Variants in SAFB observed in about 807,000 individuals in gnomAD.
SAFB encodes the protein scaffold attachment factor B1.
A neutral mutation model predicts 101.6 loss-of-function variants in SAFB; 15 were observed. The ratio of observed to expected loss-of-function variants is 0.15; its 90% CI spans 0.10 to 0.23. SAFB has a LOEUF of 0.23. Ranked by LOEUF, SAFB falls within the 10% of genes least tolerant of loss-of-function variation. The pLI, the probability that SAFB is intolerant of heterozygous loss-of-function variation, is 1.00. For missense variants in SAFB, 930 were observed against 1,104.1 expected, an observed-to-expected ratio of 0.84 and a Z score of 2.23; for synonymous variants, 449 against 407.5, an observed-to-expected ratio of 1.10 and a Z score of -1.23.
At chr19:5,636,331 A>G (rs1483539527) in intron 2 of SAFB, among the ~76,000 whole-genome samples, 1 of 152,130 alleles carries the variant, frequency 6.6e-6, no homozygotes, top group African/African-American at 2.4e-5. Context: ...TAGCAACTTT[A>G]TCAAATGTAA....
rs2054085427 is a variant in SAFB, at chr19:5,657,309, C to T, written c.1824C>T (p.Val608=). 1 of 1,613,838 alleles carries T rather than the reference C, an allele frequency of 6.2e-7. No individual in the cohort carries two copies. The highest frequency in any genetic ancestry group is 2.2e-5 in the East Asian group (1 of 44,868). The change falls in exon 14 of 21, where the codon GTC becomes GTT. Residue 608 remains valine (V), a synonymous_variant. Coordinates refer to ENST00000588852, the MANE Select transcript of SAFB (RefSeq NM_001201338.2). ...EKRSVVSFDK[V]KEPRKSRDSE... ...GGTCCGTCGTGTCCTTTGATAAGGT[C>T]AAGGAGCCTCGGAAGTCAAGAGACT...
intron 15 of SAFB, 98 bp downstream of exon 15, chr19:5,661,906 A>C: frequency 2.3e-6 from 2 of 854,438 alleles, no homozygotes; most frequent in Non-Finnish European, 3.5e-6. Context: ...TTTTTTTGAG[A>C]CGGAGTCTTG....
At position 5,661,439 on chromosome 19, in the gene SAFB, C is replaced by T. The variant is rs951471374; in HGVS notation, c.1863-79C>T. ...CGCACAGCCCTGGAGTCTGTGCGAC[C>T]CAGCGTCTTACTTAAAGTCAGCCCT... is the stretch of plus-strand genomic sequence containing the variant. On this transcript the variant is annotated intron_variant, in intron 14 of 20. Transcript: ENST00000588852. 6 of 1,575,082 alleles carry T rather than the reference C, an allele frequency of 3.8e-6. No homozygotes were observed. The African/African-American group carries it at 6.7e-5, about 18-fold the overall frequency.
Position 5,623,404 on chromosome 19 carries a change from G to A in SAFB, c.189+10G>A. On this transcript the variant is annotated intron_variant, in intron 1 of 20. Transcript: ENST00000588852. ...GGAGCGGCTGAAGAAGGTGGATTTG[G>A]GGCCCCGAGGGCGGGCACAGGGTGG... 6.2e-7 allele frequency: 1 copy of A among 1,610,526 alleles called. No homozygotes were observed. Among genetic ancestry groups the A allele is most frequent in the Non-Finnish European group, 8.5e-7 (1 of 1,177,126 alleles).
At position 5,642,729 on chromosome 19, in the gene SAFB, C is replaced by G. The variant is rs1237322804; in HGVS notation, c.546+783C>G. Among the ~76,000 whole-genome samples the G allele has an allele frequency of 3.1e-5, 4 of 129,586 alleles. No individual in the cohort carries two copies. In the South Asian group the frequency reaches 7.8e-4, roughly 25 times the overall value. The allele number at this position is 129,586 out of a possible 152,430, so 85.0% of individuals were successfully genotyped here. A position where few individuals can be genotyped will look rare whatever the true frequency, so the allele number is the denominator to read the frequency against. On this transcript the variant is annotated intron_variant, in intron 4 of 20. Transcript: ENST00000588852. ...CCAGGCTGGAGTGCAGTGGCGCGATCTCAGCTCACTGCAACCTCTGCCCCC... is the reference window on the plus strand; with the variant it reads ...CCAGGCTGGAGTGCAGTGGCGCGATGTCAGCTCACTGCAACCTCTGCCCCC...
chr19:5,652,699 G>C (rs1380672271), intron 9 of SAFB, among the ~76,000 whole-genome samples: 1 of 152,160 alleles, frequency 6.6e-6, no homozygotes, highest in East Asian at 1.9e-4. Context: ...ACGGCTCACA[G>C]ACCTTTCCTT....
chr19:5,657,706 G>A (rs2054095321), intron 14 of SAFB, among the ~76,000 whole-genome samples: 2 of 151,880 alleles, frequency 1.3e-5, no homozygotes. Flanking sequence ...TGTATTTTTA[G>A]TAGAGACGGG....
chr19:5,636,653 AG>A (rs1441110986), intron 2 of SAFB, among the ~76,000 whole-genome samples: 1 of 152,088 alleles, frequency 6.6e-6, no homozygotes, highest in African/African-American at 2.4e-5. Context: ...TTCTCCCCCC[AG>A]GATGTTACAT....
chr19:5,659,261 C>T lies in SAFB; in HGVS notation c.1862+1914C>T, dbSNP rs2054138925. On this transcript the variant is annotated intron_variant, in intron 14 of 20. Transcript: ENST00000588852. ...TGGAGGTTGCAGTGAGCCAAGATTCCACCATTGCACTCCAGCCTGGGCAAC... is the reference window on the plus strand; with the variant it reads ...TGGAGGTTGCAGTGAGCCAAGATTCTACCATTGCACTCCAGCCTGGGCAAC... 3.3e-5 allele frequency among the ~76,000 whole-genome samples: 5 copies of T among 152,146 alleles called. 1 individual carries two copies. In the South Asian group the frequency reaches 1.0e-3, roughly 32 times the overall value.
chr19:5,655,460 A>C (rs2054035956), intron 13 of SAFB, among the ~76,000 whole-genome samples: 1 of 114,526 alleles, frequency 8.7e-6, no homozygotes, highest in Non-Finnish European at 1.7e-5. Flanking sequence ...ACCCCATCTC[A>C]AAAAAAAAAA....
intron 1 of SAFB, among the ~76,000 whole-genome samples, chr19:5,625,447 C>T (rs1197501503): frequency 6.6e-6 from 1 of 152,120 alleles, no homozygotes; most frequent in African/African-American, 2.4e-5. Flanking sequence ...GATGTGGAAC[C>T]CCCAGGCCCT....
intron 6 of SAFB, 147 bp from the exon 7 acceptor site, chr19:5,648,842 C>CT (rs1037641906): frequency 1.8e-6 from 1 of 552,058 alleles, no homozygotes; most frequent in African/African-American, 1.9e-5. Flanking sequence ...ACCAGTATAA[C>CT]TTTGTGTACC....
At chr19:5,634,417 G>C (rs2053553595) in intron 2 of SAFB, among the ~76,000 whole-genome samples, 1 of 152,030 alleles carries the variant, frequency 6.6e-6, no homozygotes, top group Non-Finnish European at 1.5e-5. Context: ...TCATTTGATG[G>C]TGGGGGAAAG....
intron 2 of SAFB, among the ~76,000 whole-genome samples, chr19:5,628,205 C>T (rs10402316): frequency 0.011 from 1,692 of 152,136 alleles, 26 homozygotes; most frequent in African/African-American, 0.038. Context: ...GAGCCCAGAT[C>T]GCACCACTGC....
At chr19:5,650,068 TACCCAGGAGACTCCTG>T (rs1309586630) in intron 8 of SAFB, 93 bp downstream of exon 8, 2 of 960,760 alleles carry the variant, frequency 2.1e-6, no homozygotes, top group African/African-American at 3.2e-5. Flanking sequence ...CTATGCTCCT[TACCCAGGAGACTCCTG>T]AGACGTTTGT....
At chr19:5,646,092 C>T (rs1385709596) in intron 5 of SAFB, among the ~76,000 whole-genome samples, 1 of 152,084 alleles carries the variant, frequency 6.6e-6, no homozygotes, top group Admixed American at 6.6e-5. Context: ...TTAGAACACA[C>T]TTACCTAGGT....
At chr19:5,626,902 G>A (rs577614458) in intron 2 of SAFB, among the ~76,000 whole-genome samples, 9 of 152,184 alleles carry the variant, frequency 5.9e-5, no homozygotes, top group African/African-American at 1.7e-4. Flanking sequence ...TTAAAGGCCC[G>A]GTGTGGTGGC....
chr19:5,667,431 G>A lies in SAFB; in HGVS notation c.2538G>A (p.Arg846=). ...CGGCCGACGGGGGCATGATGGACAG[G>A]GATCACAAGAGGTGGCAAGGTGAGG... is the stretch of plus-strand genomic sequence containing the variant. ...QGTADGGMMD[R]DHKRWQGGER... is the part of the protein sequence containing the mutation. Residue 846 remains arginine, a synonymous_variant, in exon 19 of 21, where the codon AGG becomes AGA. Transcript: ENST00000588852. The surrounding 1 kb of genome is among the most constrained non-coding windows in gnomAD (Gnocchi z 4.0). The A allele has an allele frequency of 1.3e-6, 2 of 1,519,440 alleles. No individual in the cohort carries two copies. The highest frequency in any genetic ancestry group is 1.3e-5 in the South Asian group (1 of 78,732). The allele number at this position is 1,519,440 out of a possible 1,614,324, so 94.1% of individuals were successfully genotyped here.
chr19:5,644,628 A>T (rs997482824), intron 4 of SAFB, among the ~76,000 whole-genome samples: 8 of 152,216 alleles, frequency 5.3e-5, no homozygotes, highest in African/African-American at 1.7e-4. Flanking sequence ...ATAAAAATAC[A>T]TGCTGGTTAT....
Sources: allele counts gnomAD v4.1 joint callset (sites outside exome capture counted in the v4.1 genomes callset), GRCh38; gene constraint gnomAD v4.1.1; non-coding constraint Gnocchi (gnomAD v3.1); transcripts MANE v1.5; gene names NCBI Gene and HGNC (gene_info 2026-07-23, HGNC 2026-07-21).